EPB41L1: variants seen among roughly 807,000 people sequenced by gnomAD.
EPB41L1 encodes band 4.1-like protein 1.
In EPB41L1, 29 loss-of-function variants were observed where a neutral mutation model predicts 97.8. The ratio of observed to expected loss-of-function variants is 0.30; its 90% CI spans 0.22 to 0.40. EPB41L1 has a LOEUF of 0.40. Among genes scored for constraint, EPB41L1 ranks in the 10% least tolerant of loss-of-function variants. The probability of loss-of-function intolerance (pLI) is 1.00; values close to 1 mark genes in which losing one functional copy is unlikely to be tolerated. For missense variants in EPB41L1, 812 were observed against 1,162.3 expected (o/e 0.70, Z 4.38); for synonymous variants, 383 against 459.2 (o/e 0.83, Z 2.12).
intron 1 of EPB41L1, among the ~76,000 whole-genome samples, chr20:36,103,698 TTC>T (rs955958172): frequency 2.7e-5 from 4 of 150,074 alleles, no homozygotes; most frequent in Admixed American, 1.3e-4. Flanking sequence ...TTGTTTCTTT[TTC>T]TTTCTTTTTT....
intron 2 of EPB41L1, among the ~76,000 whole-genome samples, chr20:36,143,137 T>TTG (rs59256378): frequency 0.065 from 8,522 of 130,694 alleles, 183 homozygotes; most frequent in East Asian, 0.089. Flanking sequence ...GAGGGTGTGT[T>TTG]TGTGTGTGTG....
chr20:36,153,552 C>A (rs527366812), upstream of EPB41L1, among the ~76,000 whole-genome samples: 1 of 152,088 alleles, frequency 6.6e-6, no homozygotes, highest in Non-Finnish European at 1.5e-5. Flanking sequence ...TGGGGGTTCG[C>A]GGTCATATGG....
Position 36,178,650 on chromosome 20 carries a change from G to A in EPB41L1, c.468G>A (p.Lys156=). ...TTTAGAACTGGCTGGACCCCTCCAA[G>A]GAGATCAAGAAGCAGATCCGGAGTG... The part of the protein sequence containing the change: ...DSQKNWLDPS[K]EIKKQIRSSP... The change falls in exon 5 of 22, where the codon AAG becomes AAA. Residue 156 remains lysine, a synonymous_variant. Coordinates refer to ENST00000338074, the MANE Select transcript of EPB41L1 (RefSeq NM_012156.2). 4 of 1,614,206 alleles carry A rather than the reference G, an allele frequency of 2.5e-6. No individual in the cohort carries two copies. The highest frequency in any genetic ancestry group is 3.4e-6 in the Non-Finnish European group (4 of 1,180,034).
At chr20:36,135,445 C>A (rs1390091937) in intron 2 of EPB41L1, among the ~76,000 whole-genome samples, 1 of 152,250 alleles carries the variant, frequency 6.6e-6, no homozygotes, top group South Asian at 2.1e-4. Context: ...GGTTTGGAAT[C>A]CCCCCTCTGC....
intron 1 of EPB41L1, among the ~76,000 whole-genome samples, chr20:36,103,731 T>C (rs2058097199): frequency 6.9e-6 from 1 of 144,576 alleles, no homozygotes; most frequent in Admixed American, 7.0e-5. Flanking sequence ...TGAGACAGAG[T>C]CTCACTCTGT....
At chr20:36,229,231 A>G (rs2064369972) in intron 21 of EPB41L1, 101 bp from the exon 22 acceptor site, 2 of 998,872 alleles carry the variant, frequency 2.0e-6, no homozygotes, top group East Asian at 5.2e-5. Context: ...CTTGCCATGT[A>G]TTTTAAAACA....
At chr20:36,132,574 G>A (rs6119697) in intron 2 of EPB41L1, among the ~76,000 whole-genome samples, 6 of 116,498 alleles carry the variant, frequency 5.2e-5, no homozygotes, top group African/African-American at 1.7e-4. Context: ...GGGCGGGGGG[G>A]GGGGGCGCAT....
At chr20:36,132,511 C>T (rs950398425) in intron 2 of EPB41L1, among the ~76,000 whole-genome samples, 5 of 128,542 alleles carry the variant, frequency 3.9e-5, no homozygotes, top group African/African-American at 1.5e-4. Context: ...CCTTTTGCCA[C>T]GTGAGGTAAC....
chr20:36,108,732 C>T (rs1430464284), intron 1 of EPB41L1, among the ~76,000 whole-genome samples: 2 of 152,110 alleles, frequency 1.3e-5, no homozygotes, highest in Non-Finnish European at 2.9e-5. Flanking sequence ...ATATGTGGCT[C>T]GCATTGTATT....
At chr20:36,184,923 T>C (rs1240637210) in intron 6 of EPB41L1, among the ~76,000 whole-genome samples, 194 bp from the exon 7 acceptor site, 2 of 152,222 alleles carry the variant, frequency 1.3e-5, no homozygotes, top group African/African-American at 2.4e-5. Flanking sequence ...TGCACAAAAA[T>C]GCTTAAAGTC....
chr20:36,152,269 G>T (rs2060086319), upstream of EPB41L1: 1 of 152,208 alleles, frequency 6.6e-6, no homozygotes, highest in African/African-American at 2.4e-5. Context: ...TTTCTGTGTG[G>T]TCTCAATGAC....
At position 36,190,058 on chromosome 20, in the gene EPB41L1, C is replaced by T. The variant is rs976113543; in HGVS notation, c.1027-219C>T. ...TGGTGTGGTGTCGTCTGACTGTAGT[C>T]CTGGCTACTTGGGAGGCTGAGGCAG... On this transcript the variant is annotated intron_variant, in intron 9 of 21. Coordinates refer to ENST00000338074, the MANE Select transcript of EPB41L1 (RefSeq NM_012156.2). The surrounding 1 kb of genome is among the most constrained non-coding windows in gnomAD (Gnocchi z 5.8). Among the ~76,000 whole-genome samples the T allele has an allele frequency of 2.0e-5, 3 of 152,090 alleles. No homozygotes were observed. Among genetic ancestry groups the T allele is most frequent in the East Asian group, 1.9e-4 (1 of 5,190 alleles).
intron 19 of EPB41L1, 145 bp from the exon 20 acceptor site, chr20:36,221,719 A>T (rs1265480436): frequency 5.3e-6 from 4 of 752,708 alleles, no homozygotes; most frequent in Non-Finnish European, 9.3e-6. Context: ...CCAAAATCAG[A>T]AAAGAAAAAA....
At chr20:36,130,249 T>G (rs79545951) in intron 2 of EPB41L1, among the ~76,000 whole-genome samples, 1 of 149,944 alleles carries the variant, frequency 6.7e-6, no homozygotes, top group Non-Finnish European at 1.5e-5. Flanking sequence ...GCAGTGTTTT[T>G]TTTTTTGTTT....
In EPB41L1 at chr20:36,209,912, T is replaced by G. The variant is rs1290079310; in HGVS notation, c.2079+14T>G. 6.2e-7 allele frequency: 1 copy of G among 1,612,272 alleles called. No homozygotes were observed. The highest frequency in any genetic ancestry group is 1.7e-5 in the Admixed American group (1 of 59,950). On this transcript the variant is annotated intron_variant, in intron 15 of 21. Transcript: ENST00000338074. This position sits in a 1 kb window ranked among gnomAD's most constrained non-coding sequence, Gnocchi z 4.2. ...CCCCAGTTTGAGGTACAGTGGAGCT[T>G]CCTCAAGAGCCAGGCCCGCTGGGCA... is the stretch of plus-strand genomic sequence containing the variant.
intron 2 of EPB41L1, among the ~76,000 whole-genome samples, chr20:36,174,763 C>T (rs188602143): frequency 1.3e-5 from 2 of 152,246 alleles, no homozygotes; most frequent in Admixed American, 6.5e-5. Context: ...AAGAGGGTAG[C>T]TACTAACTCC....
In EPB41L1 at chr20:36,125,341, T is replaced by C. The variant is rs1384780874; in HGVS notation, c.-10+12861T>C. ...TAAGAGTCAGATGCTTGGATTTCTATTTGAGCCCCTCCCCTTATCAACCGT... is the reference window on the plus strand; with the variant it reads ...TAAGAGTCAGATGCTTGGATTTCTACTTGAGCCCCTCCCCTTATCAACCGT... On this transcript the variant is annotated intron_variant, in intron 2 of 19. Coordinates refer to the EPB41L1 transcript ENST00000202028. The C allele has an allele frequency of 7.0e-5, 47 of 675,986 alleles. No homozygotes were observed. In the East Asian group the frequency reaches 1.2e-3, roughly 17 times the overall value. The allele number at this position is 675,986 out of a possible 1,614,324, so 41.9% of individuals were successfully genotyped here.
chr20:36,107,514 C>T (rs1355014540), intron 1 of EPB41L1, among the ~76,000 whole-genome samples: 13 of 145,372 alleles, frequency 8.9e-5, no homozygotes, highest in Middle Eastern at 7.5e-3. Context: ...CCACCGTGCC[C>T]GGCTTTTTTT....
chr20:36,117,169 C>G (rs1052277523), intron 2 of EPB41L1, among the ~76,000 whole-genome samples: 1 of 152,142 alleles, frequency 6.6e-6, no homozygotes, highest in African/African-American at 2.4e-5. Context: ...AATGCTGACT[C>G]TGGCTACCCT....
Sources: gnomAD v4.1 joint callset for allele counts (sites outside exome capture counted in the v4.1 genomes callset) on GRCh38, gnomAD v4.1.1 for gene constraint, Gnocchi (gnomAD v3.1) non-coding constraint, MANE v1.5 for transcripts, NCBI Gene and HGNC (gene_info 2026-07-23, HGNC 2026-07-21) for gene names.